ADISSP: variants seen among roughly 807,000 people sequenced by gnomAD.
ADISSP encodes adipose secreted signaling protein.
the ADISSP span, among the ~76,000 whole-genome samples, chr20:3,765,207 A>G: frequency 6.6e-6 from 1 of 152,158 alleles, no homozygotes; most frequent in African/African-American, 2.4e-5. Flanking sequence ...TGCACACACA[A>G]TTCCTCATCA....
At chr20:3,759,965 TCACACATGCACACA>T in the ADISSP span, 8 of 1,445,442 alleles carry the variant, frequency 5.5e-6, no homozygotes, top group Non-Finnish European at 7.4e-6. The surrounding 1 kb of genome is among the most constrained non-coding windows in gnomAD (Gnocchi z 4.6). Flanking sequence ...ACACACGCAC[TCACACATGCACACA>T]CACACACACA....
At chr20:3,758,621 G>A in the ADISSP span, 1 of 1,614,024 alleles carries the variant, frequency 6.2e-7, no homozygotes, top group Non-Finnish European at 8.5e-7. This position sits in a 1 kb window ranked among gnomAD's most constrained non-coding sequence, Gnocchi z 5.5. Context: ...GTGGCTGTGG[G>A]ATCCTTCTGC....
the ADISSP span, among the ~76,000 whole-genome samples, chr20:3,756,633 C>T: frequency 6.6e-6 from 1 of 152,204 alleles, no homozygotes; most frequent in African/African-American, 2.4e-5. Flanking sequence ...ATGTGCCCCC[C>T]TCATGCTCTG....
chr20:3,760,208 G>C, the ADISSP span: 1 of 936,002 alleles, frequency 1.1e-6, no homozygotes, highest in Non-Finnish European at 1.7e-6. Flanking sequence ...GGAGTGGGGA[G>C]GGCAGGGGTC....
the ADISSP span, chr20:3,758,472 C>A: frequency 6.6e-7 from 1 of 1,513,926 alleles, no homozygotes; most frequent in Non-Finnish European, 9.1e-7. The surrounding 1 kb of genome is among the most constrained non-coding windows in gnomAD (Gnocchi z 5.5). Flanking sequence ...CGGGGATAGG[C>A]ACCCAGAAGC....
At chr20:3,760,241 C>T in the ADISSP span, 13 of 650,500 alleles carry the variant, frequency 2.0e-5, no homozygotes, top group Non-Finnish European at 3.5e-5. Context: ...GGACCCATGG[C>T]TCAGGGACAC....
chr20:3,760,123 C>T, the ADISSP span: 2 of 1,595,538 alleles, frequency 1.3e-6, no homozygotes, highest in African/African-American at 2.7e-5. Context: ...TGCCACGCAG[C>T]TCCTGCCAGA....
chr20:3,764,967 G>T, the ADISSP span, among the ~76,000 whole-genome samples: 2 of 152,232 alleles, frequency 1.3e-5, no homozygotes, highest in African/African-American at 4.8e-5. Context: ...ACCTGTCCAT[G>T]CCTGCTTTGA....
the ADISSP span, among the ~76,000 whole-genome samples, chr20:3,764,013 G>A: frequency 0.067 from 10,144 of 152,252 alleles, 741 homozygotes; most frequent in African/African-American, 0.18. Context: ...CCAGGGTGCA[G>A]GAAGTGGAGC....
the ADISSP span, among the ~76,000 whole-genome samples, chr20:3,758,277 G>A: frequency 1.1e-4 from 17 of 152,322 alleles, no homozygotes; most frequent in Middle Eastern, 3.4e-3. This position sits in a 1 kb window ranked among gnomAD's most constrained non-coding sequence, Gnocchi z 5.5. Flanking sequence ...CCACAGCCAC[G>A]ACACTGCCTT....
the ADISSP span, chr20:3,754,548 C>T: frequency 6.2e-7 from 1 of 1,603,616 alleles, no homozygotes; most frequent in Non-Finnish European, 8.5e-7. Flanking sequence ...AATTGGTCAG[C>T]ACCTCCCCCA....
At chr20:3,760,839 C>G in the ADISSP span, among the ~76,000 whole-genome samples, 1 of 152,198 alleles carries the variant, frequency 6.6e-6, no homozygotes, top group East Asian at 1.9e-4. Flanking sequence ...AGCACAGGGG[C>G]AGTGAGAGGC....
the ADISSP span, chr20:3,754,251 G>A: frequency 6.8e-7 from 1 of 1,466,688 alleles, no homozygotes; most frequent in East Asian, 2.3e-5. Context: ...TCAGGGATCA[G>A]CTGGAGGTAG....
chr20:3,764,139 C>T, the ADISSP span, among the ~76,000 whole-genome samples: 6 of 152,186 alleles, frequency 3.9e-5, no homozygotes, highest in Admixed American at 1.3e-4. Flanking sequence ...AACCGCCCCC[C>T]GACTACAGCT....
the ADISSP span, among the ~76,000 whole-genome samples, chr20:3,754,870 C>T: frequency 5.3e-5 from 8 of 152,104 alleles, no homozygotes; most frequent in African/African-American, 1.9e-4. Flanking sequence ...GTGAGGGGGG[C>T]AGGGCAGGGT....
At chr20:3,758,681 AG>A in the ADISSP span, 7 of 1,608,820 alleles carry the variant, frequency 4.4e-6, no homozygotes, top group African/African-American at 2.7e-5. The surrounding 1 kb of genome is among the most constrained non-coding windows in gnomAD (Gnocchi z 5.5). Context: ...CTTGTTGCCT[AG>A]GAAGAGTGGG....
At chr20:3,756,291 A>G in the ADISSP span, among the ~76,000 whole-genome samples, 3 of 152,356 alleles carry the variant, frequency 2.0e-5, no homozygotes, top group African/African-American at 7.2e-5. Context: ...GCTGTGTCCA[A>G]TGGCCCATAC....
the ADISSP span, among the ~76,000 whole-genome samples, chr20:3,757,222 C>A: frequency 1.3e-5 from 2 of 151,900 alleles, no homozygotes; most frequent in Admixed American, 6.6e-5. Flanking sequence ...TGGTGGCACG[C>A]GCCTGTAATC....
chr20:3,767,938 C>T, the ADISSP span: 3 of 152,276 alleles, frequency 2.0e-5, no homozygotes, highest in Admixed American at 6.5e-5. Flanking sequence ...CCGCGCCTGC[C>T]GGGCGAGCTC....
Sources: gnomAD v4.1 joint callset for allele counts (sites outside exome capture counted in the v4.1 genomes callset) on GRCh38, gnomAD v4.1.1 for gene constraint, Gnocchi (gnomAD v3.1) non-coding constraint, MANE v1.5 for transcripts, NCBI Gene and HGNC (gene_info 2026-07-23, HGNC 2026-07-21) for gene names.